The following UIMC1 variants were observed in gnomAD, a reference collection of about 807,000 sequenced individuals.
UIMC1 encodes ubiquitin interaction motif containing 1, also known as BRCA1-A complex subunit RAP80.
In UIMC1, 42 loss-of-function variants were observed where a neutral mutation model predicts 84.9. The ratio of observed to expected loss-of-function variants is 0.49; its 90% CI spans 0.39 to 0.64. UIMC1 has a LOEUF of 0.64. Ranked by LOEUF, UIMC1 falls within the 30% of genes least tolerant of loss-of-function variation. The pLI is 0.00. For missense variants in UIMC1, 825 were observed against 847.6 expected (o/e 0.97, Z 0.33); for synonymous variants, 281 against 293.0 (o/e 0.96, Z 0.42).
intron 10 of UIMC1, among the ~76,000 whole-genome samples, chr5:176,940,665 T>C (rs1385132653): frequency 6.6e-6 from 1 of 152,168 alleles, no homozygotes; most frequent in East Asian, 1.9e-4. Flanking sequence ...CTAAAAGTGG[T>C]TGATAGCCAG....
At chr5:176,910,082 G>T (rs1168352602) in intron 11 of UIMC1, among the ~76,000 whole-genome samples, 1 of 152,160 alleles carries the variant, frequency 6.6e-6, no homozygotes, top group Non-Finnish European at 1.5e-5. Context: ...ATGAACTAAG[G>T]CAAGTATCTC....
At position 176,968,697 on chromosome 5, in the gene UIMC1, A is replaced by C; in HGVS notation, c.1058T>G (p.Met353Arg). The stretch of plus-strand genomic sequence containing the variant: ...CCTCTCCTCTTTGTCTTCATCTCCC[A>C]TATCTTCTGAGATGCATTCATTTTT... ...SEKNECISED[M>R]GDEDKEERQE... The change falls in exon 6 of 15, where the codon ATG becomes AGG. Residue 353 changes from methionine to arginine, a missense_variant. By Grantham distance (91) the Met-to-Arg change is moderately conservative. Transcript: ENST00000511320. 1 of 1,614,124 alleles carries C rather than the reference A, an allele frequency of 6.2e-7. No individual in the cohort carries two copies. The highest frequency in any genetic ancestry group is 8.5e-7 in the Non-Finnish European group (1 of 1,180,044).
At chr5:176,954,575 A>G (rs1221156983) in intron 8 of UIMC1, among the ~76,000 whole-genome samples, 1 of 151,880 alleles carries the variant, frequency 6.6e-6, no homozygotes, top group Admixed American at 6.6e-5. Flanking sequence ...TCTCTACTAA[A>G]AAAAAATAAT....
intron 9 of UIMC1, among the ~76,000 whole-genome samples, chr5:176,948,271 T>C (rs1216256256): frequency 1.3e-5 from 2 of 152,234 alleles, no homozygotes; most frequent in Non-Finnish European, 2.9e-5. Flanking sequence ...AGTTATGCCA[T>C]GGGTACTTCC....
intron 10 of UIMC1, among the ~76,000 whole-genome samples, chr5:176,919,685 C>A (rs528405131): frequency 6.6e-6 from 1 of 152,292 alleles, no homozygotes; most frequent in South Asian, 2.1e-4. Context: ...AACAAGTGGT[C>A]CAACTTCATG....
intron 6 of UIMC1, among the ~76,000 whole-genome samples, chr5:176,968,121 C>G (rs951384836): frequency 6.6e-6 from 1 of 152,062 alleles, no homozygotes; most frequent in Non-Finnish European, 1.5e-5. Context: ...CGCCTGTAAT[C>G]CCAACACTTT....
At chr5:176,997,063 C>G (rs930922947) in intron 1 of UIMC1, among the ~76,000 whole-genome samples, 1 of 152,120 alleles carries the variant, frequency 6.6e-6, no homozygotes, top group Admixed American at 6.5e-5. Context: ...TTTGAGAGCC[C>G]TGAGAAAAGA....
intron 10 of UIMC1, among the ~76,000 whole-genome samples, chr5:176,919,544 GT>G (rs1276456541): frequency 2.0e-5 from 3 of 152,124 alleles, no homozygotes; most frequent in African/African-American, 7.2e-5. Context: ...TGTTGCCCAG[GT>G]GGGACTCTAA....
chr5:177,021,274 C>T (rs969451407), intron 1 of UIMC1, among the ~76,000 whole-genome samples: 2 of 151,928 alleles, frequency 1.3e-5, no homozygotes, highest in African/African-American at 4.8e-5. Flanking sequence ...AAAACTCTGC[C>T]TCAAAAACAA....
intron 10 of UIMC1, among the ~76,000 whole-genome samples, chr5:176,912,265 T>C (rs1760312918): frequency 6.6e-6 from 1 of 152,204 alleles, no homozygotes; most frequent in Non-Finnish European, 1.5e-5. Flanking sequence ...TACTCAACTC[T>C]GCACTGTTAG....
At chr5:176,991,981 G>A (rs1772926848) in intron 1 of UIMC1, among the ~76,000 whole-genome samples, 3 of 152,054 alleles carry the variant, frequency 2.0e-5, no homozygotes, top group African/African-American at 7.2e-5. Context: ...AATTAGCCAG[G>A]TGTGGTGGTG....
chr5:176,911,425 T>C, intron 10 of UIMC1, 36 bp from the exon 11 acceptor site: 9 of 1,390,660 alleles, frequency 6.5e-6, no homozygotes, highest in Non-Finnish European at 8.5e-6. Flanking sequence ...ATACACATAG[T>C]TAGCTGCCAG....
At chr5:177,012,175 A>G (rs754171489) in intron 1 of UIMC1, among the ~76,000 whole-genome samples, 4 of 152,202 alleles carry the variant, frequency 2.6e-5, no homozygotes, top group African/African-American at 4.8e-5. Context: ...TCGAATCTCA[A>G]TTGCCTACTT....
intron 6 of UIMC1, among the ~76,000 whole-genome samples, chr5:176,959,516 A>G (rs1767041096): frequency 6.6e-6 from 1 of 151,320 alleles, no homozygotes; most frequent in African/African-American, 2.4e-5. Flanking sequence ...GGAGATCGAG[A>G]CCATCCCAGC....
In UIMC1 at chr5:176,969,176, C is replaced by T. The variant is rs942132444; in HGVS notation, c.579G>A (p.Pro193=). 2.4e-5 allele frequency: 39 copies of T among 1,614,042 alleles called. No homozygotes were observed. The Admixed American group carries it at 3.7e-4, about 15-fold the overall frequency. Residue 193 remains proline (P), a synonymous_variant, in exon 6 of 15, where the codon CCG becomes CCA. Coordinates refer to ENST00000511320, the MANE Select transcript of UIMC1 (RefSeq NM_001199298.2). ...CCCAGCTTCCTGAGCTGCCAGAGAC[C>T]GGCTCCTCTTCAGTTTTTTCAGTGT... The part of the protein sequence containing the change: ...WDHTEKTEEE[P]VSGSSGSWDQ...
At chr5:177,004,225 G>A (rs767832795) in intron 1 of UIMC1, among the ~76,000 whole-genome samples, 1 of 152,154 alleles carries the variant, frequency 6.6e-6, no homozygotes, top group Non-Finnish European at 1.5e-5. Context: ...AACCACTGCA[G>A]GCTCAAGGTG....
At position 176,995,405 on chromosome 5, in the gene UIMC1, TG is replaced by T. The variant is rs759585618; in HGVS notation, c.-9+11244del. ...CTTTACTAAAAATGCAAAAATTAGC[TG>T]GGTGTGGTGACATGCACCTGTAATT... On this transcript the variant is annotated intron_variant, in intron 1 of 14. Coordinates refer to ENST00000511320, the MANE Select transcript of UIMC1 (RefSeq NM_001199298.2). 9.3e-5 allele frequency among the ~76,000 whole-genome samples: 14 copies of T among 150,358 alleles called. No individual in the cohort carries two copies. In the South Asian group the frequency reaches 1.3e-3, roughly 14 times the overall value.
At chr5:176,911,436 T>C (rs747036270) in intron 10 of UIMC1, 47 bp from the exon 11 acceptor site, 4 of 1,318,680 alleles carry the variant, frequency 3.0e-6, no homozygotes, top group South Asian at 1.9e-5. Flanking sequence ...TAGCTGCCAG[T>C]AGACTCTGAA....
chr5:176,952,590 A>C (rs746269696), intron 8 of UIMC1, among the ~76,000 whole-genome samples: 1 of 152,260 alleles, frequency 6.6e-6, no homozygotes, highest in Non-Finnish European at 1.5e-5. Context: ...GTCTCAACAG[A>C]CTATACGGCC....
Sources: gnomAD v4.1 joint callset for allele counts (sites outside exome capture counted in the v4.1 genomes callset) on GRCh38, gnomAD v4.1.1 for gene constraint, MANE v1.5 for transcripts, NCBI Gene and HGNC (gene_info 2026-07-23, HGNC 2026-07-21) for gene names.